The following PECAM1 variants were observed in gnomAD, a reference collection of about 807,000 sequenced individuals.
PECAM1 encodes the protein platelet and endothelial cell adhesion molecule 1.
A neutral mutation model predicts 13.8 loss-of-function variants in PECAM1; 8 were observed. That is an observed-to-expected ratio of 0.58 (90% CI 0.34 to 1.05). The LOEUF (loss-of-function observed/expected upper bound fraction) is 1.05. Among genes scored for constraint, PECAM1 ranks in the 50% least tolerant of loss-of-function variants. PECAM1 has a pLI of 0.03. For synonymous variants in PECAM1, 136 were observed against 52.6 expected (o/e 2.58, Z -6.86); for missense variants, 304 against 141.2 (o/e 2.15, Z -5.84).
intron 14 of PECAM1, among the ~76,000 whole-genome samples, chr17:64,333,469 G>C (rs2035182171): frequency 1.3e-5 from 2 of 152,058 alleles, no homozygotes; most frequent in East Asian, 3.9e-4. Context: ...GTGGTGGGGA[G>C]GGGGCTGTCC....
chr17:64,385,474 T>C (rs2036572966), intron 2 of PECAM1, among the ~76,000 whole-genome samples: 2 of 151,992 alleles, frequency 1.3e-5, no homozygotes, highest in Admixed American at 1.3e-4. Flanking sequence ...CCACGAAGCA[T>C]AGAGTCCCTG....
intron 6 of PECAM1, among the ~76,000 whole-genome samples, chr17:64,362,055 G>GT (rs2035995402): frequency 6.6e-6 from 1 of 152,146 alleles, no homozygotes; most frequent in African/African-American, 2.4e-5. Flanking sequence ...TGAAAGGATC[G>GT]TGACTGAATA....
intron 15 of PECAM1, among the ~76,000 whole-genome samples, chr17:64,328,556 G>A (rs1598273706): frequency 6.6e-6 from 1 of 152,006 alleles, no homozygotes; most frequent in South Asian, 2.1e-4. Context: ...GTTTTGGCTA[G>A]GAAAAAAAAC....
chr17:64,344,192 T>G (rs1303933141), intron 13 of PECAM1, among the ~76,000 whole-genome samples: 2 of 151,508 alleles, frequency 1.3e-5, no homozygotes, highest in Non-Finnish European at 2.9e-5. Context: ...GGCCTGGGGG[T>G]TTCTGCTTCT....
At chr17:64,379,309 C>T (rs2143884749) in intron 2 of PECAM1, among the ~76,000 whole-genome samples, 1 of 152,344 alleles carries the variant, frequency 6.6e-6, no homozygotes, top group African/African-American at 2.4e-5. Context: ...CTACAGATCA[C>T]ATATTGAGGC....
Position 64,322,028 on chromosome 17 carries a change from C to A in PECAM1, c.*1788G>T. ...TGTATGACATTTTCGTGATACAACTCGGTGTGTGTGTGTTGGGGAAAGGAA... is the reference window on the plus strand; with the variant it reads ...TGTATGACATTTTCGTGATACAACTAGGTGTGTGTGTGTTGGGGAAAGGAA... On this transcript the variant is annotated 3_prime_UTR_variant, in exon 16 of 16. Transcript: ENST00000563924. The A allele has an allele frequency of 1.7e-6, 2 of 1,198,642 alleles. No individual in the cohort carries two copies. Among genetic ancestry groups the A allele is most frequent in the Non-Finnish European group, 1.1e-6 (1 of 936,604 alleles). 74.3% of individuals were successfully genotyped at this position (1,198,642 alleles called of 1,614,324 possible). A position where few individuals can be genotyped will look rare whatever the true frequency, so the allele number is the denominator to read the frequency against.
intron 6 of PECAM1, among the ~76,000 whole-genome samples, chr17:64,361,376 C>T (rs2035976219): frequency 6.6e-6 from 1 of 151,950 alleles, no homozygotes; most frequent in African/African-American, 2.4e-5. Context: ...AAACTCCTGA[C>T]CTCAGGTGAT....
chr17:64,333,164 A>T (rs1224168293), intron 14 of PECAM1, among the ~76,000 whole-genome samples: 2 of 152,176 alleles, frequency 1.3e-5, no homozygotes, highest in Non-Finnish European at 2.9e-5. Flanking sequence ...AAAAACAAAA[A>T]ATAGCAACAA....
At chr17:64,348,214 C>T (rs1244077768) in intron 13 of PECAM1, 46 bp downstream of exon 13, 1 of 474,254 alleles carries the variant, frequency 2.1e-6, no homozygotes, top group Admixed American at 3.2e-5. Context: ...GGGGTTTAAA[C>T]CCAAGCCAAA....
At chr17:64,346,415 C>A (rs1170115257) in intron 13 of PECAM1, among the ~76,000 whole-genome samples, 1 of 152,286 alleles carries the variant, frequency 6.6e-6, no homozygotes, top group African/African-American at 2.4e-5. Flanking sequence ...TGGCTCACTG[C>A]AACCTCTGCC....
chr17:64,321,881 G>C lies in PECAM1; in HGVS notation c.*1935C>G. On this transcript the variant is annotated 3_prime_UTR_variant, in exon 16 of 16. Coordinates refer to ENST00000563924, the MANE Select transcript of PECAM1 (RefSeq NM_000442.5). The stretch of plus-strand genomic sequence containing the variant: ...TTCTCTGGTGGTGGCAAGGGACTAA[G>C]GAACTCCCTGGACACAGGGGATCTG... 7.4e-7 allele frequency: 1 copy of C among 1,349,952 alleles called. No individual in the cohort carries two copies. Among genetic ancestry groups the C allele is most frequent in the Non-Finnish European group, 9.8e-7 (1 of 1,019,950 alleles). 83.6% of individuals were successfully genotyped at this position (1,349,952 alleles called of 1,614,324 possible).
At chr17:64,387,614 C>T (rs1446223340) in intron 2 of PECAM1, among the ~76,000 whole-genome samples, 5 of 152,052 alleles carry the variant, frequency 3.3e-5, no homozygotes, top group African/African-American at 1.2e-4. Flanking sequence ...CCTGGCTGGC[C>T]CCCATCAGCT....
intron 6 of PECAM1, among the ~76,000 whole-genome samples, chr17:64,361,123 G>A (rs1255526927): frequency 5.3e-5 from 6 of 113,142 alleles, no homozygotes; most frequent in African/African-American, 1.7e-4. Flanking sequence ...ACCTGGCTGA[G>A]CATATATGTG....
At position 64,358,111 on chromosome 17, in the gene PECAM1, C is replaced by CTTTTTTTTTTTT. The variant is rs141671796; in HGVS notation, c.1493-1725_1493-1714dup. ...TCCAGCCATCTGATTTGGCCACAGT[C>CTTTTTTTTTTTT]TTTTTTTTTTTTTTTTTTTTTTTTT... On this transcript the variant is annotated intron_variant, in intron 7 of 15. Transcript: ENST00000563924. Among the ~76,000 whole-genome samples, 19 of 71,550 alleles carry CTTTTTTTTTTTT rather than the reference C, an allele frequency of 2.7e-4. 1 individual carries two copies. Among genetic ancestry groups the CTTTTTTTTTTTT allele is most frequent in the South Asian group, 7.4e-4 (1 of 1,346 alleles). The allele number at this position is 71,550 out of a possible 152,430, so 46.9% of individuals were successfully genotyped here. A position where few individuals can be genotyped will look rare whatever the true frequency, so the allele number is the denominator to read the frequency against.
intron 13 of PECAM1, among the ~76,000 whole-genome samples, chr17:64,344,673 C>T (rs2035519795): frequency 6.6e-6 from 1 of 152,058 alleles, no homozygotes; most frequent in Admixed American, 6.5e-5. Context: ...GCCTTGTACC[C>T]ACAAAGCCCC....
At chr17:64,326,121 A>G (rs946535722) in intron 15 of PECAM1, among the ~76,000 whole-genome samples, 3 of 152,142 alleles carry the variant, frequency 2.0e-5, no homozygotes, top group African/African-American at 7.2e-5. Context: ...CTTGGAGGGA[A>G]AAAGAGCAGG....
At chr17:64,352,165 C>T (rs1232093720) in intron 11 of PECAM1, among the ~76,000 whole-genome samples, 4 of 152,126 alleles carry the variant, frequency 2.6e-5, no homozygotes, top group African/African-American at 4.8e-5. Context: ...ATTTCTTCTA[C>T]GGGGAGTTTG....
intron 15 of PECAM1, among the ~76,000 whole-genome samples, chr17:64,325,073 G>A (rs1555645310): frequency 6.6e-6 from 1 of 152,234 alleles, no homozygotes; most frequent in East Asian, 1.9e-4. Context: ...ACTTTAAAAT[G>A]GTTAAGTATA....
intron 7 of PECAM1, among the ~76,000 whole-genome samples, chr17:64,356,609 G>A (rs996791137): frequency 2.0e-5 from 3 of 151,986 alleles, no homozygotes; most frequent in African/African-American, 4.8e-5. Context: ...CCGAGTAGCT[G>A]GAATGACAGG....
Sources: gnomAD v4.1 joint callset for allele counts (sites outside exome capture counted in the v4.1 genomes callset) on GRCh38, gnomAD v4.1.1 for gene constraint, MANE v1.5 for transcripts, NCBI Gene and HGNC (gene_info 2026-07-23, HGNC 2026-07-21) for gene names.